Variants in ARHGAP15 observed in about 807,000 individuals in gnomAD.
The protein encoded by ARHGAP15 is rho GTPase-activating protein 15.
Under a neutral mutation model 63.7 loss-of-function variants are expected in ARHGAP15, and 51 were observed. That is an observed-to-expected ratio of 0.80 (90% confidence interval 0.64 to 1.01). The LOEUF is 1.01. ARHGAP15 is among the 50% of genes least tolerant of loss of function. The pLI, the probability that ARHGAP15 is intolerant of heterozygous loss-of-function variation, is 0.00. For missense variants in ARHGAP15, 560 were observed against 564.6 expected (o/e 0.99, Z 0.08); for synonymous variants, 191 against 193.8 (o/e 0.99, Z 0.12).
At chr2:143,767,934 C>A in intron 13 of ARHGAP15, 55 bp from the exon 14 acceptor site, 1 of 1,531,286 alleles carries the variant, frequency 6.5e-7, no homozygotes, top group South Asian at 1.2e-5. Context: ...TCCAAAGTAG[C>A]CATAACTTCA....
At chr2:143,516,550 A>T (rs1356899241) in intron 9 of ARHGAP15, among the ~76,000 whole-genome samples, 3 of 152,190 alleles carry the variant, frequency 2.0e-5, no homozygotes, top group African/African-American at 7.2e-5. Flanking sequence ...CCCCTATAAT[A>T]TTACAAACTT....
chr2:143,487,816 G>A (rs1559004446), intron 9 of ARHGAP15, among the ~76,000 whole-genome samples: 1 of 152,174 alleles, frequency 6.6e-6, no homozygotes, highest in Admixed American at 6.5e-5. Context: ...GGTGGTTCCA[G>A]TTCACAGCTG....
intron 6 of ARHGAP15, among the ~76,000 whole-genome samples, chr2:143,263,415 G>T (rs1225737803): frequency 6.6e-6 from 1 of 152,152 alleles, no homozygotes; most frequent in East Asian, 1.9e-4. Flanking sequence ...CACCTGGTTT[G>T]TCCTGAAGGG....
At chr2:143,761,891 G>GAA (rs1686772687) in intron 13 of ARHGAP15, among the ~76,000 whole-genome samples, 2 of 152,118 alleles carry the variant, frequency 1.3e-5, no homozygotes, top group South Asian at 4.1e-4. Flanking sequence ...CTCAGCTCCT[G>GAA]TTAGAAAACT....
intron 8 of ARHGAP15, among the ~76,000 whole-genome samples, chr2:143,463,263 C>T (rs13429123): frequency 4.5e-4 from 69 of 151,882 alleles, no homozygotes; most frequent in African/African-American, 1.4e-3. Context: ...TATTATAGGC[C>T]GGGTGCGGTG....
intron 6 of ARHGAP15, among the ~76,000 whole-genome samples, chr2:143,267,507 G>A (rs1367941977): frequency 2.6e-5 from 4 of 152,138 alleles, no homozygotes; most frequent in Non-Finnish European, 5.9e-5. Flanking sequence ...CAAGGCAGAT[G>A]CATAAATTAT....
At chr2:143,698,271 G>A (rs1011103934) in intron 12 of ARHGAP15, among the ~76,000 whole-genome samples, 2 of 152,112 alleles carry the variant, frequency 1.3e-5, no homozygotes, top group South Asian at 2.1e-4. Context: ...GTTCTTCACT[G>A]TACAGAACTT....
Position 143,259,551 on chromosome 2 carries a change from A to G in ARHGAP15, c.474+8951A>G, listed in dbSNP as rs1226198755. On this transcript the variant is annotated intron_variant, in intron 6 of 13. Transcript: ENST00000295095. ...TGCAAAGAATGCTGCATTATTCATA[A>G]AAGCATTGCTGCCATCTGGTGGCTA... Among the ~76,000 whole-genome samples, 3 of 152,170 alleles carry G rather than the reference A, an allele frequency of 2.0e-5. No individual in the cohort carries two copies. The East Asian group carries it at 5.8e-4, about 29-fold the overall frequency.
chr2:143,140,464 C>A (rs1020111095), intron 1 of ARHGAP15, among the ~76,000 whole-genome samples: 10 of 152,052 alleles, frequency 6.6e-5, no homozygotes, highest in Admixed American at 5.9e-4. Flanking sequence ...AAACAGCAAA[C>A]ACGAGGAGAG....
At chr2:143,315,525 C>T (rs984606300) in intron 6 of ARHGAP15, among the ~76,000 whole-genome samples, 3 of 151,358 alleles carry the variant, frequency 2.0e-5, no homozygotes, top group Non-Finnish European at 4.4e-5. Context: ...AACTGTATTG[C>T]CAAGGAGTGG....
At chr2:143,752,366 C>T (rs566085868) in intron 13 of ARHGAP15, among the ~76,000 whole-genome samples, 2 of 152,294 alleles carry the variant, frequency 1.3e-5, no homozygotes, top group South Asian at 2.1e-4. Flanking sequence ...TATCCACAAC[C>T]TCCCACTATT....
intron 6 of ARHGAP15, among the ~76,000 whole-genome samples, chr2:143,337,600 C>T (rs186911873): frequency 2.0e-5 from 3 of 152,194 alleles, no homozygotes; most frequent in Admixed American, 6.5e-5. Flanking sequence ...TGTACAATAC[C>T]TTCTTTTCAG....
chr2:143,596,590 A>C (rs1697527515), intron 11 of ARHGAP15, among the ~76,000 whole-genome samples: 1 of 152,072 alleles, frequency 6.6e-6, no homozygotes, highest in African/African-American at 2.4e-5. Flanking sequence ...AAAGCCACCC[A>C]TTTGCCTAAA....
intron 12 of ARHGAP15, among the ~76,000 whole-genome samples, chr2:143,633,590 C>T (rs535247979): frequency 2.5e-4 from 38 of 152,266 alleles, no homozygotes; most frequent in African/African-American, 8.7e-4. Context: ...AAGCAATAAA[C>T]TCTTCAAGCT....
intron 11 of ARHGAP15, among the ~76,000 whole-genome samples, chr2:143,572,775 T>C (rs1334649463): frequency 6.6e-6 from 1 of 152,132 alleles, no homozygotes; most frequent in Non-Finnish European, 1.5e-5. Flanking sequence ...CCACGCGTGA[T>C]TTCTGAGACC....
chr2:143,659,424 T>A (rs557354929), intron 12 of ARHGAP15, among the ~76,000 whole-genome samples: 1 of 152,294 alleles, frequency 6.6e-6, no homozygotes, highest in African/African-American at 2.4e-5. Flanking sequence ...TTAAAAAAAA[T>A]TCTATTTGGA....
In ARHGAP15 at chr2:143,250,568, A is replaced by G; in HGVS notation, c.442A>G (p.Lys148Glu). 1.9e-6 allele frequency: 3 copies of G among 1,613,450 alleles called. No individual in the cohort carries two copies. The highest frequency in any genetic ancestry group is 2.5e-6 in the Non-Finnish European group (3 of 1,179,490). ...DLCGAHIEWA[K>E]EKSSRKNVFQ... ...GTGTGGAGCACACATTGAATGGGCC[A>G]AGGAAAAATCGAGCAGAAAGAATGT... Residue 148 changes from lysine (K) to glutamate (E), a missense_variant, in exon 6 of 14, where the codon AAG (lysine) becomes GAG (glutamate). By Grantham distance (56) the Lys-to-Glu change is moderately conservative. Coordinates refer to ENST00000295095, the MANE Select transcript of ARHGAP15 (RefSeq NM_018460.4).
chr2:143,692,857 C>T (rs1433897319), intron 12 of ARHGAP15, among the ~76,000 whole-genome samples: 1 of 152,070 alleles, frequency 6.6e-6, no homozygotes, highest in Non-Finnish European at 1.5e-5. Flanking sequence ...TTACATGGAA[C>T]CAAATGTTGC....
At chr2:143,383,371 A>G (rs1558934809) in intron 6 of ARHGAP15, among the ~76,000 whole-genome samples, 1 of 152,150 alleles carries the variant, frequency 6.6e-6, no homozygotes, top group Non-Finnish European at 1.5e-5. Context: ...CTTTTATTTG[A>G]ATGTATCTTT....
Sources: gnomAD v4.1 joint callset for allele counts (sites outside exome capture counted in the v4.1 genomes callset) on GRCh38, gnomAD v4.1.1 for gene constraint, MANE v1.5 for transcripts, NCBI Gene and HGNC (gene_info 2026-07-23, HGNC 2026-07-21) for gene names.